FHOD3: variants seen among roughly 807,000 people sequenced by gnomAD.
The protein encoded by FHOD3 is FH1/FH2 domain-containing protein 3.
A neutral mutation model predicts 173.0 loss-of-function variants in FHOD3; 90 were observed. That is an observed-to-expected ratio of 0.52 (90% CI 0.44 to 0.62). The LOEUF (loss-of-function observed/expected upper bound fraction) is 0.62. FHOD3 is among the 20% of genes least tolerant of loss of function. The probability of loss-of-function intolerance (pLI) is 0.00; values close to 1 mark genes in which losing one functional copy is unlikely to be tolerated. For synonymous variants in FHOD3, 828 were observed against 823.0 expected, an observed-to-expected ratio of 1.01 and a Z score of -0.10; for missense variants, 1,945 against 2,034.7, an observed-to-expected ratio of 0.96 and a Z score of 0.85.
intron 1 of FHOD3, among the ~76,000 whole-genome samples, chr18:36,306,751 G>A (rs1217422967): frequency 6.6e-6 from 1 of 152,148 alleles, no homozygotes; most frequent in Admixed American, 6.5e-5. Flanking sequence ...ACAGCGTCTG[G>A]CACATAGTGA....
intron 3 of FHOD3, among the ~76,000 whole-genome samples, chr18:36,375,104 A>G (rs1035828414): frequency 6.6e-6 from 1 of 152,240 alleles, no homozygotes; most frequent in African/African-American, 2.4e-5. Flanking sequence ...GTGTGCAATC[A>G]TGTTGATGAA....
At chr18:36,617,583 C>CTGTGTGTG (rs763613681) in intron 9 of FHOD3, among the ~76,000 whole-genome samples, 92 of 116,338 alleles carry the variant, frequency 7.9e-4, no homozygotes, top group African/African-American at 2.5e-3. Context: ...TTGTACTTCC[C>CTGTGTGTG]TGTGTGTGTG....
At chr18:36,333,556 G>A (rs1375862561) in intron 1 of FHOD3, among the ~76,000 whole-genome samples, 1 of 152,210 alleles carries the variant, frequency 6.6e-6, no homozygotes, top group African/African-American at 2.4e-5. Context: ...TTCCAGATGT[G>A]AACAGTCCAC....
intron 14 of FHOD3, among the ~76,000 whole-genome samples, chr18:36,680,101 C>T (rs2038138845): frequency 6.6e-6 from 1 of 152,174 alleles, no homozygotes; most frequent in Non-Finnish European, 1.5e-5. Context: ...TAAACTCTAT[C>T]TATGCCTTAG....
intron 1 of FHOD3, among the ~76,000 whole-genome samples, chr18:36,302,533 C>A (rs2091982233): frequency 6.6e-6 from 1 of 152,192 alleles, no homozygotes; most frequent in South Asian, 2.1e-4. Context: ...ACTGTCTCCC[C>A]TGTTCTCAGA....
rs138426217 is a variant in FHOD3, at chr18:36,662,132, G to A, written c.1835+3944G>A. Among the ~76,000 whole-genome samples the A allele has an allele frequency of 5.4e-3, 830 of 152,336 alleles. 9 individuals are homozygous for A. Among genetic ancestry groups the A allele is most frequent in the African/African-American group, 0.019 (782 of 41,566 alleles). On this transcript the variant is annotated intron_variant, in intron 14 of 28. Transcript: ENST00000590592. ...ACAACCACACCTCAAGCGCATATGT[G>A]GTTGTGAGGCTTTGGGAAAGGCCGG...
At chr18:36,749,265 G>C (rs551227005) in intron 24 of FHOD3, among the ~76,000 whole-genome samples, 1 of 152,236 alleles carries the variant, frequency 6.6e-6, no homozygotes, top group South Asian at 2.1e-4. Context: ...TTGTTGTACA[G>C]ATTATTTCAT....
intron 14 of FHOD3, among the ~76,000 whole-genome samples, chr18:36,670,968 A>G (rs2037493462): frequency 6.6e-6 from 1 of 152,224 alleles, no homozygotes; most frequent in Admixed American, 6.5e-5. Context: ...CCTCTGAATT[A>G]TGAAGTTTTT....
intron 10 of FHOD3, among the ~76,000 whole-genome samples, chr18:36,635,667 G>A (rs79211296): frequency 0.026 from 3,897 of 152,312 alleles, 178 homozygotes; most frequent in African/African-American, 0.09. Flanking sequence ...GTAACCTGGG[G>A]CCAGTCAGTA....
chr18:36,749,574 G>C (rs918649655), intron 24 of FHOD3, among the ~76,000 whole-genome samples: 1 of 152,132 alleles, frequency 6.6e-6, no homozygotes, highest in Non-Finnish European at 1.5e-5. Flanking sequence ...TATCCAATCT[G>C]TTATTGATGG....
chr18:36,543,073 C>T (rs781347286), intron 5 of FHOD3, among the ~76,000 whole-genome samples: 2 of 152,104 alleles, frequency 1.3e-5, no homozygotes, highest in African/African-American at 2.4e-5. Context: ...TTGCAAAAGA[C>T]GGTGCTAAGA....
At chr18:36,474,006 A>C (rs1179730203) in intron 3 of FHOD3, among the ~76,000 whole-genome samples, 1 of 152,244 alleles carries the variant, frequency 6.6e-6, no homozygotes, top group African/African-American at 2.4e-5. Flanking sequence ...GGATATGCTC[A>C]TATGGCAGTG....
intron 9 of FHOD3, among the ~76,000 whole-genome samples, chr18:36,617,645 G>A (rs894782691): frequency 6.7e-6 from 1 of 148,680 alleles, no homozygotes; most frequent in Admixed American, 6.8e-5. Context: ...TTAGGTATCA[G>A]TTTTATTCAT....
intron 14 of FHOD3, among the ~76,000 whole-genome samples, chr18:36,668,610 G>T (rs2037335440): frequency 6.6e-6 from 1 of 151,658 alleles, no homozygotes. Context: ...TCTAATATAG[G>T]CATTCAGTGT....
chr18:36,601,242 C>T (rs1568479498), intron 7 of FHOD3, among the ~76,000 whole-genome samples: 1 of 152,222 alleles, frequency 6.6e-6, no homozygotes. Context: ...ACTGGCTGGG[C>T]AACTTAGCCA....
At chr18:36,430,958 C>T (rs912397282) in intron 3 of FHOD3, among the ~76,000 whole-genome samples, 1 of 152,032 alleles carries the variant, frequency 6.6e-6, no homozygotes, top group Non-Finnish European at 1.5e-5. Context: ...GTCTAGAGGG[C>T]ATACTCAATA....
chr18:36,572,979 T>C (rs2058505951), intron 5 of FHOD3, among the ~76,000 whole-genome samples: 1 of 149,142 alleles, frequency 6.7e-6, no homozygotes, highest in Non-Finnish European at 1.5e-5. Context: ...AGGGAAGAAA[T>C]GGGAAAAAAT....
chr18:36,374,666 A>G (rs1485198808), intron 3 of FHOD3, among the ~76,000 whole-genome samples: 1 of 152,250 alleles, frequency 6.6e-6, no homozygotes, highest in Admixed American at 6.5e-5. Context: ...GACTTCAAAG[A>G]AACTAGACTG....
chr18:36,526,462 G>C (rs923918016), intron 5 of FHOD3, among the ~76,000 whole-genome samples: 1 of 150,590 alleles, frequency 6.6e-6, no homozygotes, highest in Non-Finnish European at 1.5e-5. Flanking sequence ...ATCTTGCTCT[G>C]TTGCCCCAAC....
Sources: gnomAD v4.1 joint callset for allele counts (sites outside exome capture counted in the v4.1 genomes callset) on GRCh38, gnomAD v4.1.1 for gene constraint, MANE v1.5 for transcripts, NCBI Gene and HGNC (gene_info 2026-07-23, HGNC 2026-07-21) for gene names.